COLEC10: variants seen among roughly 807,000 people sequenced by gnomAD.
COLEC10 encodes collectin-10.
COLEC10 carries 22 observed loss-of-function variants against 28.4 expected under a neutral mutation model. The observed-to-expected ratio is 0.78, with a 90% CI of 0.55 to 1.11. The LOEUF is 1.11. Among genes scored for constraint, COLEC10 ranks in the 50% least tolerant of loss-of-function variants. COLEC10 has a pLI of 0.00. For missense variants in COLEC10, 361 were observed against 344.1 expected (o/e 1.05, Z -0.39); for synonymous variants, 125 against 116.1 (o/e 1.08, Z -0.49).
At chr8:119,033,660 A>G (rs1197604748) in intron 2 of COLEC10, among the ~76,000 whole-genome samples, 2 of 152,266 alleles carry the variant, frequency 1.3e-5, no homozygotes, top group Non-Finnish European at 1.5e-5. Flanking sequence ...ACTGGTCATT[A>G]GAAAAATACA....
chr8:119,093,973 C>T (rs1015833031), intron 3 of COLEC10, among the ~76,000 whole-genome samples: 2 of 152,076 alleles, frequency 1.3e-5, no homozygotes, highest in East Asian at 1.9e-4. Flanking sequence ...CTAAGAGGAG[C>T]TTGAGGGAGA....
intron 1 of COLEC10, among the ~76,000 whole-genome samples, chr8:118,998,031 C>A (rs146129062): frequency 1.3e-3 from 202 of 152,202 alleles, no homozygotes; most frequent in African/African-American, 4.3e-3. Flanking sequence ...TCAATCAAGA[C>A]CTGGGTTTCA....
intron 2 of COLEC10, among the ~76,000 whole-genome samples, chr8:119,032,717 C>A (rs1202745907): frequency 6.6e-6 from 1 of 152,082 alleles, no homozygotes; most frequent in Non-Finnish European, 1.5e-5. Context: ...CTGGCTAACA[C>A]GGTGAAACCC....
In COLEC10 at chr8:119,069,629, AATATATAT is replaced by A. The variant is rs1207445435; in HGVS notation, c.148+2225_148+2232del. On this transcript the variant is annotated intron_variant, in intron 1 of 5. Transcript: ENST00000332843. The stretch of plus-strand genomic sequence containing the variant: ...TCAAAAAAAAAAAAAAAAAAAAAAA[AATATATAT>A]ATATATATATATATATATATATATG... Among the ~76,000 whole-genome samples the A allele has an allele frequency of 6.2e-3, 264 of 42,830 alleles. 7 individuals carry two copies. Among genetic ancestry groups the A allele is most frequent in the Non-Finnish European group, 8.1e-3 (185 of 22,770 alleles). 28.1% of individuals were successfully genotyped at this position (42,830 alleles called of 152,430 possible).
the COLEC10 span, among the ~76,000 whole-genome samples, chr8:118,952,470 T>G: frequency 6.6e-6 from 1 of 152,256 alleles, no homozygotes; most frequent in Non-Finnish European, 1.5e-5. Context: ...TGGCATTGTC[T>G]GAGCCCTTTT....
At chr8:118,972,268 T>C in the COLEC10 span, among the ~76,000 whole-genome samples, 1 of 151,976 alleles carries the variant, frequency 6.6e-6, no homozygotes, top group Non-Finnish European at 1.5e-5. Flanking sequence ...GCAGAGACCC[T>C]GAGCAATGGA....
intron 2 of COLEC10, among the ~76,000 whole-genome samples, chr8:119,058,083 A>G (rs16891925): frequency 2.0e-5 from 3 of 152,150 alleles, no homozygotes; most frequent in Non-Finnish European, 2.9e-5. Flanking sequence ...ATATAGAGCT[A>G]GAAACAATCT....
the COLEC10 span, among the ~76,000 whole-genome samples, chr8:118,977,879 A>G: frequency 6.6e-6 from 1 of 152,122 alleles, no homozygotes; most frequent in African/African-American, 2.4e-5. Context: ...CTGTGATTTT[A>G]TTGTACTGAG....
chr8:118,980,384 G>A, the COLEC10 span, among the ~76,000 whole-genome samples: 1 of 151,746 alleles, frequency 6.6e-6, no homozygotes, highest in Non-Finnish European at 1.5e-5. Flanking sequence ...GTAGAGATGA[G>A]GTTTCACCAT....
upstream of COLEC10, among the ~76,000 whole-genome samples, chr8:119,062,458 C>T (rs1257698103): frequency 6.6e-6 from 1 of 151,202 alleles, no homozygotes; most frequent in Non-Finnish European, 1.5e-5. Flanking sequence ...AAAAAGTCAG[C>T]TTTCCCAGGT....
chr8:119,016,338 C>T (rs1382793529), intron 2 of COLEC10, among the ~76,000 whole-genome samples: 2 of 152,148 alleles, frequency 1.3e-5, no homozygotes, highest in Admixed American at 1.3e-4. Flanking sequence ...TCATCCACTT[C>T]CCTGCAAAGG....
the COLEC10 span, among the ~76,000 whole-genome samples, chr8:118,979,184 T>C: frequency 1.3e-5 from 2 of 152,112 alleles, no homozygotes; most frequent in East Asian, 3.9e-4. Flanking sequence ...GTAAGATCAT[T>C]TGATATTTTT....
chr8:119,025,445 A>G (rs1398351311), intron 2 of COLEC10, among the ~76,000 whole-genome samples: 1 of 152,200 alleles, frequency 6.6e-6, no homozygotes, highest in African/African-American at 2.4e-5. Context: ...TCTGTGGTTA[A>G]TTCCCCTGGG....
chr8:119,076,946 G>A (rs995909425), intron 1 of COLEC10, among the ~76,000 whole-genome samples: 13 of 152,292 alleles, frequency 8.5e-5, no homozygotes, highest in East Asian at 1.9e-4. Context: ...AGAAATGTGC[G>A]TGGGTTGGGG....
chr8:119,077,082 A>G (rs1815253488), intron 1 of COLEC10, among the ~76,000 whole-genome samples: 1 of 152,234 alleles, frequency 6.6e-6, no homozygotes, highest in Non-Finnish European at 1.5e-5. Context: ...AGCCAGTGCT[A>G]GACCACAGCC....
upstream of COLEC10, chr8:119,067,134 T>A (rs939941538): frequency 1.4e-6 from 1 of 701,316 alleles, no homozygotes; most frequent in Admixed American, 2.8e-5. Flanking sequence ...ATAAACAACC[T>A]AGGGTATGCT....
the COLEC10 span, among the ~76,000 whole-genome samples, chr8:118,989,010 AG>A: frequency 2.6e-5 from 4 of 152,230 alleles, no homozygotes; most frequent in African/African-American, 9.6e-5. Flanking sequence ...GAAGGGACAA[AG>A]CAGTCATCAG....
chr8:119,070,539 TCTCTCC>T (rs1468547797), intron 1 of COLEC10, among the ~76,000 whole-genome samples: 3 of 72,684 alleles, frequency 4.1e-5, no homozygotes, highest in Admixed American at 1.6e-4. Context: ...CCTCCATCTC[TCTCTCC>T]CTCTCCCTCT....
At chr8:119,003,913 A>G (rs72497321) in intron 1 of COLEC10, among the ~76,000 whole-genome samples, 11,347 of 152,048 alleles carry the variant, frequency 0.075, 596 homozygotes, top group East Asian at 0.22. Context: ...TAGCCTCTTG[A>G]AGGGCTCAAT....
Sources: gnomAD v4.1 joint callset for allele counts (sites outside exome capture counted in the v4.1 genomes callset) on GRCh38, gnomAD v4.1.1 for gene constraint, MANE v1.5 for transcripts, NCBI Gene and HGNC (gene_info 2026-07-23, HGNC 2026-07-21) for gene names.